SLC26A1: variants seen among roughly 807,000 people sequenced by gnomAD.
SLC26A1 encodes the protein sulfate anion transporter 1.
Under a neutral mutation model 14.5 loss-of-function variants are expected in SLC26A1, and 18 were observed. The ratio of observed to expected loss-of-function variants is 1.24; its 90% CI spans 0.86 to 1.84. SLC26A1 has a LOEUF of 1.84. SLC26A1 is among the 40% of genes most tolerant of loss of function. SLC26A1 has a pLI of 0.00. For synonymous variants in SLC26A1, 505 were observed against 492.0 expected (o/e 1.03, Z -0.35); for missense variants, 1,049 against 1,020.0 (o/e 1.03, Z -0.39).
chr4:989,311 C>A lies in SLC26A1; in HGVS notation c.1628G>T (p.Gly543Val), dbSNP rs1714026421. Residue 543 changes from glycine (G) to valine (V), a missense_variant, in exon 3 of 3, where the codon GGG (glycine) becomes GTG (valine). Transcript: ENST00000398516. ...PEPGVRVFRF[G>V]GPLYYANKDF... ...CTTGTTGGCATAGTACAGCGGCCCC[C>A]CAAAGCGGAACACCCGCACGCCGGG... 1.2e-6 allele frequency: 2 copies of A among 1,611,650 alleles called. No individual in the cohort carries two copies. Among genetic ancestry groups the A allele is most frequent in the Non-Finnish European group, 1.7e-6 (2 of 1,179,446 alleles).
chr4:986,274 T>C (rs957338200), downstream of SLC26A1, among the ~76,000 whole-genome samples: 1 of 152,200 alleles, frequency 6.6e-6, no homozygotes, highest in African/African-American at 2.4e-5. Flanking sequence ...CACACATGCA[T>C]ACATGGACTA....
At position 989,307 on chromosome 4, in the gene SLC26A1, C is replaced by G; in HGVS notation, c.1632G>C (p.Gly544=). Residue 544 remains glycine, a synonymous_variant, in exon 3 of 3, where the codon GGG becomes GGC. Transcript: ENST00000398516. ...EPGVRVFRFG[G]PLYYANKDFF... ...AGTCCTTGTTGGCATAGTACAGCGG[C>G]CCCCCAAAGCGGAACACCCGCACGC... 1 of 1,611,302 alleles carries G rather than the reference C, an allele frequency of 6.2e-7. No individual in the cohort carries two copies. Among genetic ancestry groups the G allele is most frequent in the Non-Finnish European group, 8.5e-7 (1 of 1,179,054 alleles).
At position 987,852 on chromosome 4, in the gene SLC26A1, T is replaced by C; in HGVS notation, c.*981A>G. 6.2e-7 allele frequency: 1 copy of C among 1,612,434 alleles called. No individual in the cohort carries two copies. Among genetic ancestry groups the C allele is most frequent in the East Asian group, 2.2e-5 (1 of 44,860 alleles). ...CCAGGCTGACCAGTACGTCCTCAGC[T>C]GGGACCAGCAGCTCAACCTCGCCTA... On this transcript the variant is annotated 3_prime_UTR_variant, in exon 3 of 3. Coordinates refer to ENST00000398516, the MANE Select transcript of SLC26A1 (RefSeq NM_022042.4).
chr4:989,736 C>T lies in SLC26A1; in HGVS notation c.1203G>A (p.Lys401=), dbSNP rs1714093160. 1 of 1,557,750 alleles carries T rather than the reference C, an allele frequency of 6.4e-7. No homozygotes were observed. Among genetic ancestry groups the T allele is most frequent in the South Asian group, 1.2e-5 (1 of 84,652 alleles). Residue 401 remains lysine, a synonymous_variant, in exon 3 of 3, where the codon AAG becomes AAA. Coordinates refer to ENST00000398516, the MANE Select transcript of SLC26A1 (RefSeq NM_022042.4). ...HCFATSAALA[K]SLVKTATGCR... ...AGCCAGTGGCTGTCTTCACCAGGCT[C>T]TTGGCCAGGGCGGCGCTGGTGGCGA...
At chr4:979,299 C>G in exon 3 of SLC26A1, 1 of 723,018 alleles carries the variant, frequency 1.4e-6, no homozygotes. Flanking sequence ...TCCCCAGGTG[C>G]TGATCCAAGC....
At position 989,306 on chromosome 4, in the gene SLC26A1, G is replaced by GC. The variant is rs1265696919; in HGVS notation, c.1632dup (p.Pro545AlafsTer40). 18 of 1,611,868 alleles carry GC rather than the reference G, an allele frequency of 1.1e-5. No individual in the cohort carries two copies. Among genetic ancestry groups the GC allele is most frequent in the Non-Finnish European group, 1.4e-5 (17 of 1,179,518 alleles). On this transcript the variant is annotated frameshift_variant, in exon 3 of 3. Transcript: ENST00000398516. LOFTEE classifies it low-confidence loss of function (END_TRUNC). ...AAGTCCTTGTTGGCATAGTACAGCG[G>GC]CCCCCCAAAGCGGAACACCCGCACG...
chr4:982,339 G>A (rs906054966), intron 2 of SLC26A1, among the ~76,000 whole-genome samples: 1 of 152,198 alleles, frequency 6.6e-6, no homozygotes, highest in African/African-American at 2.4e-5. Flanking sequence ...GTGGGAGGGG[G>A]CGGCTTCCCC....
downstream of SLC26A1, chr4:986,823 A>G (rs1415646808): frequency 4.3e-5 from 27 of 623,084 alleles, no homozygotes; most frequent in Admixed American, 5.5e-4. Flanking sequence ...CAACGGGCGA[A>G]GCGTTCTTCT....
chr4:985,291 C>T (rs542965678), downstream of SLC26A1, among the ~76,000 whole-genome samples: 20 of 152,376 alleles, frequency 1.3e-4, no homozygotes, highest in African/African-American at 4.8e-4. Flanking sequence ...GGTGTGGAGT[C>T]GCCGCCCCAA....
chr4:993,046 C>CG (rs33993439), intron 1 of SLC26A1: 8,978 of 152,220 alleles, frequency 0.059, 414 homozygotes, highest in Middle Eastern at 0.13. Context: ...GGGCACAGAG[C>CG]GGGGGTCCTG....
At chr4:981,570 C>T (rs771877018) in intron 2 of SLC26A1, among the ~76,000 whole-genome samples, 2 of 152,076 alleles carry the variant, frequency 1.3e-5, no homozygotes, top group East Asian at 1.9e-4. Flanking sequence ...CCTGAGAGGT[C>T]GAGGCTGTAG....
In SLC26A1 at chr4:979,424, C is replaced by T. The variant is rs753592535; in HGVS notation, c.657G>A (p.Glu219=). The change falls in exon 3 of 3, where the codon GAG becomes GAA. Residue 219 remains glutamate, a synonymous_variant. Coordinates refer to the SLC26A1 transcript ENST00000398520. ...TGTTAAATCAGCAAGATCTTTCCTC[C>T]TCTTCCAGAAGTTCCTGCGAGTCAC... is the stretch of plus-strand genomic sequence containing the variant. 8 of 1,581,088 alleles carry T rather than the reference C, an allele frequency of 5.1e-6. No individual in the cohort carries two copies. The Admixed American group carries it at 1.4e-4, about 27-fold the overall frequency.
chr4:988,154 T>C lies in SLC26A1; in HGVS notation c.*679A>G. On this transcript the variant is annotated 3_prime_UTR_variant, in exon 3 of 3. Transcript: ENST00000398516. ...CCTGCATGGGGCACGGTGGGCTTCCTGCAGGTCTCCCTGCAGGCTCAGGGT... is the reference window on the plus strand; with the variant it reads ...CCTGCATGGGGCACGGTGGGCTTCCCGCAGGTCTCCCTGCAGGCTCAGGGT... 2 of 1,398,984 alleles carry C rather than the reference T, an allele frequency of 1.4e-6. No homozygotes were observed. The highest frequency in any genetic ancestry group is 2.9e-5 in the African/African-American group (2 of 68,974). 86.7% of individuals were successfully genotyped at this position (1,398,984 alleles called of 1,614,324 possible).
Position 988,938 on chromosome 4 carries a change from G to A in SLC26A1, c.2001C>T (p.Pro667=), listed in dbSNP as rs149750834. The change falls in exon 3 of 3, where the codon CCC becomes CCT. Residue 667 remains proline, a synonymous_variant. Transcript: ENST00000398516. The stretch of plus-strand genomic sequence containing the variant: ...GCTGCTCCTCCTCAGCCGTGTCCCC[G>A]GGGCCCTCCCCGAGGAAGCCTCCTC... ...LSRGGFLGEG[P]GDTAEEEQLF... The A allele has an allele frequency of 3.3e-5, 53 of 1,599,152 alleles. No individual in the cohort carries two copies. The African/African-American group carries it at 3.9e-4, about 12-fold the overall frequency.
chr4:980,979 G>C (rs1458885769), intron 2 of SLC26A1, among the ~76,000 whole-genome samples: 1 of 152,142 alleles, frequency 6.6e-6, no homozygotes, highest in Non-Finnish European at 1.5e-5. Flanking sequence ...CAATCTCGAG[G>C]CTGCCATCAC....
Position 988,395 on chromosome 4 carries a change from G to C in SLC26A1, c.*438C>G. On this transcript the variant is annotated 3_prime_UTR_variant, in exon 3 of 3. Coordinates refer to ENST00000398516, the MANE Select transcript of SLC26A1 (RefSeq NM_022042.4). ...GTGTGGGGCCTTCTGGAAACACAGA[G>C]ACCCTCGTGCACTTGGCCAGAGCCG... is the stretch of plus-strand genomic sequence containing the variant. The C allele has an allele frequency of 9.4e-7, 1 of 1,059,356 alleles. No homozygotes were observed. The highest frequency in any genetic ancestry group is 1.1e-6 in the Non-Finnish European group (1 of 877,072). The allele number at this position is 1,059,356 out of a possible 1,614,324, so 65.6% of individuals were successfully genotyped here. A position where few individuals can be genotyped will look rare whatever the true frequency, so the allele number is the denominator to read the frequency against.
At chr4:979,432 G>A in exon 3 of SLC26A1, 1 of 1,597,012 alleles carries the variant, frequency 6.3e-7, no homozygotes. Flanking sequence ...TCCTCTTCCA[G>A]AAGTTCCTGC....
intron 1 of SLC26A1, chr4:992,750 C>T (rs1577524481): frequency 6.5e-6 from 1 of 154,600 alleles, no homozygotes; most frequent in Non-Finnish European, 1.4e-5. Flanking sequence ...AACACCGTGG[C>T]GTTAGGGAGG....
At chr4:987,333 G>T, downstream of SLC26A1, 1 of 1,244,756 alleles carries the variant, frequency 8.0e-7, no homozygotes, top group South Asian at 1.3e-5. Context: ...TCAGAGACCG[G>T]AGCTCCCTCC....
Sources: gnomAD v4.1 joint callset for allele counts (sites outside exome capture counted in the v4.1 genomes callset) on GRCh38, gnomAD v4.1.1 for gene constraint, MANE v1.5 for transcripts, NCBI Gene and HGNC (gene_info 2026-07-23, HGNC 2026-07-21) for gene names.